Variants in STIM1 observed in about 807,000 individuals in gnomAD.
The protein encoded by STIM1 is stromal interaction molecule 1.
In STIM1, 25 loss-of-function variants were observed where a neutral mutation model predicts 74.7. The observed-to-expected ratio is 0.33, with a 90% CI of 0.24 to 0.47. The LOEUF is 0.47. STIM1 is among the 20% of genes least tolerant of loss of function. The pLI, the probability that STIM1 is intolerant of heterozygous loss-of-function variation, is 1.00. For missense variants in STIM1, 728 were observed against 920.8 expected (o/e 0.79, Z 2.71); for synonymous variants, 328 against 348.8 (o/e 0.94, Z 0.66).
chr11:4,076,942 A>G (rs1046787857), intron 7 of STIM1, among the ~76,000 whole-genome samples: 1 of 151,910 alleles, frequency 6.6e-6, no homozygotes, highest in African/African-American at 2.4e-5. Flanking sequence ...TGGTTTGTAT[A>G]AAAAAACAAC....
Position 4,091,806 on chromosome 11 carries a change from G to A in STIM1, c.*8G>A. 1 of 1,601,492 alleles carries A rather than the reference G, an allele frequency of 6.2e-7. No individual in the cohort carries two copies. Among genetic ancestry groups the A allele is most frequent in the Non-Finnish European group, 8.5e-7 (1 of 1,179,954 alleles). On this transcript the variant is annotated 3_prime_UTR_variant, in exon 13 of 13. Transcript: ENST00000526596. ...AAGCCTCTTAAGAAGTAGGCAGGATGGGGTGGCAGTAAAGGGACAGCTTGT... is the reference window on the plus strand; with the variant it reads ...AAGCCTCTTAAGAAGTAGGCAGGATAGGGTGGCAGTAAAGGGACAGCTTGT...
intron 2 of STIM1, among the ~76,000 whole-genome samples, chr11:4,023,286 G>T (rs368862752): frequency 2.0e-5 from 3 of 152,070 alleles, no homozygotes; most frequent in African/African-American, 7.2e-5. Flanking sequence ...CTGAAATTGC[G>T]CCACTGCACT....
At chr11:3,896,994 A>G (rs2135414246) in intron 1 of STIM1, among the ~76,000 whole-genome samples, 1 of 152,334 alleles carries the variant, frequency 6.6e-6, no homozygotes, top group East Asian at 1.9e-4. Context: ...GTTAACCATT[A>G]TAATTATCAC....
chr11:4,064,151 G>C (rs2094350262), intron 5 of STIM1, among the ~76,000 whole-genome samples: 1 of 152,182 alleles, frequency 6.6e-6, no homozygotes, highest in South Asian at 2.1e-4. Flanking sequence ...CAGCTGTCCT[G>C]ATGGCAAATA....
chr11:4,045,332 C>G (rs1267683499), intron 3 of STIM1, among the ~76,000 whole-genome samples: 1 of 152,096 alleles, frequency 6.6e-6, no homozygotes, highest in Non-Finnish European at 1.5e-5. Context: ...CTGTGTGTCA[C>G]TCTCTTATGC....
chr11:3,918,220 T>C (rs984466213), intron 1 of STIM1, among the ~76,000 whole-genome samples: 2 of 152,120 alleles, frequency 1.3e-5, no homozygotes, highest in East Asian at 1.9e-4. Context: ...TAACAGCTTA[T>C]TGAAAGATAC....
intron 1 of STIM1, among the ~76,000 whole-genome samples, chr11:3,924,515 GT>G (rs1263760957): frequency 1.3e-5 from 2 of 151,780 alleles, no homozygotes; most frequent in Admixed American, 6.6e-5. Context: ...TCTTTTATTA[GT>G]TTTTTTCCCC....
chr11:4,071,684 T>C (rs761187755), intron 6 of STIM1, among the ~76,000 whole-genome samples: 2 of 152,112 alleles, frequency 1.3e-5, no homozygotes, highest in Non-Finnish European at 2.9e-5. Flanking sequence ...TTTGGAGGGG[T>C]AGGGACAAGA....
At chr11:3,875,668 T>C (rs954456099) in intron 1 of STIM1, among the ~76,000 whole-genome samples, 1 of 151,338 alleles carries the variant, frequency 6.6e-6, no homozygotes, top group Non-Finnish European at 1.5e-5. Context: ...CGAGGCTAAA[T>C]TGAGCCAAGA....
intron 1 of STIM1, among the ~76,000 whole-genome samples, chr11:3,944,728 G>A (rs978097025): frequency 6.6e-6 from 1 of 152,214 alleles, no homozygotes; most frequent in African/African-American, 2.4e-5. Context: ...TCCTTGAATT[G>A]TAGTGAGCAT....
intron 1 of STIM1, among the ~76,000 whole-genome samples, chr11:3,870,067 C>T (rs927821627): frequency 2.0e-5 from 3 of 152,108 alleles, no homozygotes; most frequent in African/African-American, 7.2e-5. Context: ...ATTTGAAGTG[C>T]TGGGCAAGGG....
At chr11:3,922,968 G>A (rs1590568594) in intron 1 of STIM1, among the ~76,000 whole-genome samples, 1 of 151,750 alleles carries the variant, frequency 6.6e-6, no homozygotes, top group Non-Finnish European at 1.5e-5. Flanking sequence ...GCATGGTAGC[G>A]GGCGCCTGTG....
At chr11:3,951,585 G>T (rs2412337) in intron 1 of STIM1, among the ~76,000 whole-genome samples, 152,254 of 152,258 alleles carry the variant, frequency 1, 76,125 homozygotes, top group Non-Finnish European at 1. Context: ...TTTTCAAGGC[G>T]TTTATCATTG....
At position 3,973,715 on chromosome 11, in the gene STIM1, ATTTG is replaced by A. The variant is rs566369940; in HGVS notation, c.270+6037_270+6040del. ...CCCAGCCAGTATTTCTTTTAAAAAT[ATTTG>A]TTTATTTATTTTGAGACAAAGTCTC... On this transcript the variant is annotated intron_variant, in intron 2 of 12. Coordinates refer to ENST00000526596, the MANE Select transcript of STIM1 (RefSeq NM_001382567.1). Among the ~76,000 whole-genome samples, 38 of 151,398 alleles carry A rather than the reference ATTTG, an allele frequency of 2.5e-4. No homozygotes were observed. The East Asian group carries it at 6.1e-3, about 24-fold the overall frequency.
intron 1 of STIM1, among the ~76,000 whole-genome samples, chr11:3,899,687 T>G (rs951746354): frequency 4.6e-5 from 7 of 151,152 alleles, no homozygotes; most frequent in Non-Finnish European, 7.4e-5. Flanking sequence ...TTGAGATACA[T>G]CCCATCAATA....
In STIM1 at chr11:3,870,869, C is replaced by CTTT. The variant is rs1178631644; in HGVS notation, c.139+14480_139+14482dup. Among the ~76,000 whole-genome samples, 442 of 98,118 alleles carry CTTT rather than the reference C, an allele frequency of 4.5e-3. 11 individuals are homozygous for CTTT. The highest frequency in any genetic ancestry group is 0.014 in the African/African-American group (380 of 26,600). The allele number at this position is 98,118 out of a possible 152,430, so 64.4% of individuals were successfully genotyped here. On this transcript the variant is annotated intron_variant, in intron 1 of 12. Transcript: ENST00000526596. ...GAGTGACCATATCCTATCAGCTACT[C>CTTT]TTTTTTTTTTTTTTTTTTTTTTGAG...
In STIM1 at chr11:4,091,957, G is replaced by T. The variant is rs2094527778; in HGVS notation, c.*159G>T. 1 of 991,624 alleles carries T rather than the reference G, an allele frequency of 1.0e-6. No homozygotes were observed. Among genetic ancestry groups the T allele is most frequent in the South Asian group, 1.5e-5 (1 of 68,786 alleles). 61.4% of individuals were successfully genotyped at this position (991,624 alleles called of 1,614,324 possible). On this transcript the variant is annotated 3_prime_UTR_variant, in exon 13 of 13. Transcript: ENST00000526596. ...TACATACCTGCCCCCTCATCCTTGG[G>T]TCCTTCATTATTATTTATTAACTGA...
chr11:3,972,466 T>C (rs2135757112), intron 2 of STIM1, among the ~76,000 whole-genome samples: 1 of 152,328 alleles, frequency 6.6e-6, no homozygotes, highest in East Asian at 1.9e-4. Context: ...TCATTTCTTT[T>C]TTTTATAGAC....
chr11:4,056,696 C>T (rs1433314292), intron 4 of STIM1, among the ~76,000 whole-genome samples: 1 of 152,238 alleles, frequency 6.6e-6, no homozygotes, highest in Non-Finnish European at 1.5e-5. Flanking sequence ...CCTCTGCTGC[C>T]TGCAGCCTCT....
Sources: allele counts gnomAD v4.1 joint callset (sites outside exome capture counted in the v4.1 genomes callset), GRCh38; gene constraint gnomAD v4.1.1; transcripts MANE v1.5; gene names NCBI Gene and HGNC (gene_info 2026-07-23, HGNC 2026-07-21).